The following FGFR1 variants were observed in gnomAD, a reference collection of about 807,000 sequenced individuals.
FGFR1 encodes the protein fibroblast growth factor receptor 1, also known as FGFR1/PLAG1 fusion.
A neutral mutation model predicts 93.7 loss-of-function variants in FGFR1; 18 were observed. The ratio of observed to expected loss-of-function variants is 0.19; its 90% CI spans 0.13 to 0.28. FGFR1 has a LOEUF of 0.28. FGFR1 is among the 10% of genes least tolerant of loss of function. FGFR1 has a pLI of 1.00. For missense variants in FGFR1, 731 were observed against 1,080.4 expected (o/e 0.68, Z 4.53); for synonymous variants, 448 against 429.3 (o/e 1.04, Z -0.54).
rs1223287937 is a variant in FGFR1 at position 38,429,740 on chromosome 8, A to G, written c.300T>C (p.Ala100=). The G allele has an allele frequency of 6.3e-7, 1 of 1,589,814 alleles. No individual in the cohort carries two copies. The highest frequency in any genetic ancestry group is 1.8e-5 in the Admixed American group (1 of 56,620). ...TGCCCGAGGGGCTGCTGGTTACGCA[A>G]GCATAGAGGCCGGAGTCTGCGGGCA... ...DSVPADSGLY[A]CVTSSPSGSD... Residue 100 remains alanine (A), a synonymous_variant, in exon 3 of 18, where the codon GCT becomes GCC. Transcript: ENST00000447712. The surrounding 1 kb of genome is among the most constrained non-coding windows in gnomAD (Gnocchi z 4.4).
intron 4 of FGFR1, 61 bp downstream of exon 4, chr8:38,428,285 C>T (rs2150925460): frequency 6.4e-7 from 1 of 1,559,480 alleles, no homozygotes; most frequent in Non-Finnish European, 8.8e-7. Flanking sequence ...CAGCCTTCCC[C>T]TCCCCTCTTA....
At chr8:38,461,119 T>C (rs2151426532) in intron 1 of FGFR1, 2 of 1,536,132 alleles carry the variant, frequency 1.3e-6, no homozygotes, top group Non-Finnish European at 1.7e-6. Context: ...CAGGTGGTTA[T>C]GAAGACTGAA....
At chr8:38,466,575 T>C (rs1474675193) in intron 1 of FGFR1, 3 of 230,084 alleles carry the variant, frequency 1.3e-5, no homozygotes, top group African/African-American at 2.2e-5. Context: ...AGATCTTAAA[T>C]AACTCGGGAT....
chr8:38,443,010 A>C (rs1828033242), intron 2 of FGFR1, among the ~76,000 whole-genome samples: 1 of 152,226 alleles, frequency 6.6e-6, no homozygotes, highest in Admixed American at 6.5e-5. Context: ...AAATTCTCTT[A>C]AGGTTTCACA....
Position 38,424,152 on chromosome 8 carries a change from A to C in FGFR1, c.936+357T>G, listed in dbSNP as rs1563485890. The C allele has an allele frequency of 2.3e-6, 1 of 427,718 alleles. No individual in the cohort carries two copies. The highest frequency in any genetic ancestry group is 2.0e-5 in the African/African-American group (1 of 49,350). 26.5% of individuals were successfully genotyped at this position (427,718 alleles called of 1,614,324 possible). ...GTACGTAACTCAGGACACAGGGCTA[A>C]GACTGGGAAACGCTTGGTGGAAAGG... On this transcript the variant is annotated intron_variant, in intron 7 of 17. Coordinates refer to ENST00000447712, the MANE Select transcript of FGFR1 (RefSeq NM_023110.3). This position sits in a 1 kb window ranked among gnomAD's most constrained non-coding sequence, Gnocchi z 4.3.
At chr8:38,441,230 T>C (rs1026867730) in intron 2 of FGFR1, among the ~76,000 whole-genome samples, 1 of 152,160 alleles carries the variant, frequency 6.6e-6, no homozygotes, top group Non-Finnish European at 1.5e-5. Context: ...AGAACTGAGT[T>C]TGGGGCTCAA....
At chr8:38,438,022 G>A (rs983398001) in intron 2 of FGFR1, among the ~76,000 whole-genome samples, 1 of 152,078 alleles carries the variant, frequency 6.6e-6, no homozygotes, top group African/African-American at 2.4e-5. Flanking sequence ...ATAAACATCT[G>A]AGTAAACAGC....
At position 38,426,276 on chromosome 8, in the gene FGFR1, G is replaced by A. The variant is rs2150868329; in HGVS notation, c.622-31C>T. On this transcript the variant is annotated intron_variant, in intron 5 of 17. Coordinates refer to ENST00000447712, the MANE Select transcript of FGFR1 (RefSeq NM_023110.3). The surrounding 1 kb of genome is among the most constrained non-coding windows in gnomAD (Gnocchi z 4.1). ...GGGAAATGCCAAAGGGATACATTGA[G>A]GGTCCAGAGGAAAATGCAGGCCCCA... is the stretch of plus-strand genomic sequence containing the variant. The A allele has an allele frequency of 1.2e-6, 2 of 1,613,444 alleles. No homozygotes were observed. Among genetic ancestry groups the A allele is most frequent in the African/African-American group, 1.3e-5 (1 of 75,044 alleles).
intron 1 of FGFR1, chr8:38,461,011 T>C (rs1195932864): frequency 5.3e-6 from 8 of 1,497,520 alleles, no homozygotes; most frequent in Middle Eastern, 1.8e-4. Context: ...CTGGGATTCA[T>C]GCCTGCATGC....
intron 2 of FGFR1, among the ~76,000 whole-genome samples, chr8:38,438,550 A>T (rs902872382): frequency 6.6e-6 from 1 of 152,048 alleles, no homozygotes; most frequent in Admixed American, 6.6e-5. Flanking sequence ...CTCAAAAAAA[A>T]AAAAAAAAAG....
intron 2 of FGFR1, among the ~76,000 whole-genome samples, chr8:38,439,505 C>A (rs1586536891): frequency 6.6e-6 from 1 of 152,152 alleles, no homozygotes; most frequent in Non-Finnish European, 1.5e-5. Flanking sequence ...GGGCCACATC[C>A]TCAGGACTGC....
intron 1 of FGFR1, among the ~76,000 whole-genome samples, chr8:38,466,994 A>G (rs1835711242): frequency 6.6e-6 from 1 of 151,734 alleles, no homozygotes; most frequent in African/African-American, 2.4e-5. Flanking sequence ...ATTCCTCCGC[A>G]AACATGGGTC....
At chr8:38,438,319 A>G (rs1453319060) in intron 2 of FGFR1, among the ~76,000 whole-genome samples, 1 of 152,178 alleles carries the variant, frequency 6.6e-6, no homozygotes, top group Non-Finnish European at 1.5e-5. Flanking sequence ...AAGTGGGTGG[A>G]TCACCTGAGA....
chr8:38,429,830 C>A lies in FGFR1; in HGVS notation c.210G>T (p.Gly70=), dbSNP rs2150961820. 6.2e-7 allele frequency: 1 copy of A among 1,613,940 alleles called. No homozygotes were observed. Among genetic ancestry groups the A allele is most frequent in the East Asian group, 2.2e-5 (1 of 44,874 alleles). ...DVQSINWLRD[G]VQLAESNRTR... ...TGCGGTTGCTTTCCGCCAGCTGCAC[C>A]CCGTCCCGCAGCCAGTTGATGCTCT... Residue 70 remains glycine, a synonymous_variant, in exon 3 of 18, where the codon GGG becomes GGT. Coordinates refer to ENST00000447712, the MANE Select transcript of FGFR1 (RefSeq NM_023110.3). The surrounding 1 kb of genome is among the most constrained non-coding windows in gnomAD (Gnocchi z 4.4).
chr8:38,457,969 C>A (rs751719468), intron 1 of FGFR1, among the ~76,000 whole-genome samples: 4 of 151,846 alleles, frequency 2.6e-5, no homozygotes, highest in African/African-American at 9.7e-5. Flanking sequence ...GGTGACAGAG[C>A]GAGATTCTGT....
At chr8:38,438,779 T>A (rs1276343276) in intron 2 of FGFR1, among the ~76,000 whole-genome samples, 1 of 152,096 alleles carries the variant, frequency 6.6e-6, no homozygotes, top group Non-Finnish European at 1.5e-5. Flanking sequence ...GAGGAAGCCC[T>A]TCTGGTTCAG....
intron 2 of FGFR1, among the ~76,000 whole-genome samples, chr8:38,438,965 CT>C (rs1296888363): frequency 2.6e-5 from 4 of 152,184 alleles, no homozygotes; most frequent in African/African-American, 9.7e-5. Flanking sequence ...TCTCCTGCCC[CT>C]GCGAGTCCAG....
intron 2 of FGFR1, among the ~76,000 whole-genome samples, chr8:38,447,144 CACACA>C (rs1829605481): frequency 5.7e-5 from 8 of 140,046 alleles, no homozygotes; most frequent in Admixed American, 2.8e-4. Flanking sequence ...CACACACACA[CACACA>C]CACCCCTGAC....
At chr8:38,422,884 C>T (rs1819326427) in intron 7 of FGFR1, 2 of 605,306 alleles carry the variant, frequency 3.3e-6, no homozygotes, top group Non-Finnish European at 5.9e-6. Flanking sequence ...GCCTCCCAGG[C>T]CGGGTATTTT....
Sources: allele counts gnomAD v4.1 joint callset (sites outside exome capture counted in the v4.1 genomes callset), GRCh38; gene constraint gnomAD v4.1.1; non-coding constraint Gnocchi (gnomAD v3.1); transcripts MANE v1.5; gene names NCBI Gene and HGNC (gene_info 2026-07-23, HGNC 2026-07-21).